TECPR2: variants seen among roughly 807,000 people sequenced by gnomAD.
TECPR2 encodes tectonin beta-propeller repeat containing 2, also known as tectonin beta-propeller repeat-containing protein 2.
Under a neutral mutation model 138.1 loss-of-function variants are expected in TECPR2, and 65 were observed. The observed-to-expected ratio is 0.47, with a 90% CI of 0.39 to 0.58. The LOEUF is 0.58. Ranked by LOEUF, TECPR2 falls within the 20% of genes least tolerant of loss-of-function variation. TECPR2 has a pLI of 0.00. For missense variants in TECPR2, 1,553 were observed against 1,824.5 expected (o/e 0.85, Z 2.71); for synonymous variants, 746 against 749.8 (o/e 0.99, Z 0.08).
chr14:102,450,222 C>T (rs142444660), intron 14 of TECPR2, among the ~76,000 whole-genome samples: 3 of 152,270 alleles, frequency 2.0e-5, no homozygotes, highest in Admixed American at 2.0e-4. Flanking sequence ...GGAAGGTGAT[C>T]GCCACTGTTG....
intron 15 of TECPR2, 131 bp downstream of exon 15, chr14:102,450,780 G>A (rs886657007): frequency 1.2e-5 from 10 of 850,664 alleles, no homozygotes; most frequent in Middle Eastern, 6.9e-4. Context: ...GAGGGTGTCA[G>A]AGGCCAGTAG....
intron 17 of TECPR2, among the ~76,000 whole-genome samples, chr14:102,495,861 G>T (rs1891266108): frequency 6.6e-6 from 1 of 152,248 alleles, no homozygotes; most frequent in Non-Finnish European, 1.5e-5. Flanking sequence ...GGCGGGTGAG[G>T]ATGCGGGCAG....
At chr14:102,485,116 G>A (rs1239264281) in intron 17 of TECPR2, among the ~76,000 whole-genome samples, 1 of 152,214 alleles carries the variant, frequency 6.6e-6, no homozygotes, top group African/African-American at 2.4e-5. Context: ...TGAGCACCAT[G>A]GTGCAGCTCA....
rs200489903 is a variant in TECPR2, at chr14:102,497,152, G to A, written c.3931+32G>A. On this transcript the variant is annotated intron_variant, in intron 18 of 19. Coordinates refer to ENST00000359520, the MANE Select transcript of TECPR2 (RefSeq NM_014844.5). ...GCCTGCAGACAGGGCCTGTGGTGCC[G>A]GCCAGCCGGGGCTACCATCACTGGG... is the stretch of plus-strand genomic sequence containing the variant. 6,615 of 1,596,804 alleles carry A rather than the reference G, an allele frequency of 4.1e-3. 36 individuals are homozygous for A. Among genetic ancestry groups the A allele is most frequent in the Non-Finnish European group, 4.2e-3 (4,952 of 1,175,448 alleles).
chr14:102,414,482 G>A (rs1888968593), intron 4 of TECPR2, among the ~76,000 whole-genome samples, 154 bp from the exon 5 acceptor site: 1 of 152,252 alleles, frequency 6.6e-6, no homozygotes, highest in African/African-American at 2.4e-5. Context: ...GCTATGGTGG[G>A]TTGAGAGTGA....
chr14:102,485,502 T>C (rs1221123111), intron 17 of TECPR2, among the ~76,000 whole-genome samples: 2 of 152,204 alleles, frequency 1.3e-5, no homozygotes, highest in Non-Finnish European at 2.9e-5. Context: ...ACTCTAAGTC[T>C]TTTCTCTCAT....
intron 1 of TECPR2, among the ~76,000 whole-genome samples, chr14:102,363,495 C>T (rs1017504674): frequency 1.3e-5 from 2 of 152,048 alleles, no homozygotes; most frequent in Non-Finnish European, 2.9e-5. Flanking sequence ...CGTGTTCTGT[C>T]CCCCACTCGC....
At chr14:102,458,528 G>GT (rs1890328802) in intron 16 of TECPR2, among the ~76,000 whole-genome samples, 1 of 152,124 alleles carries the variant, frequency 6.6e-6, no homozygotes, top group Non-Finnish European at 1.5e-5. Flanking sequence ...GGCCTCGTGC[G>GT]TTGGGGACTC....
intron 11 of TECPR2, 69 bp downstream of exon 11, chr14:102,440,678 T>C (rs1171844363): frequency 1.3e-6 from 2 of 1,538,340 alleles, no homozygotes; most frequent in Non-Finnish European, 1.8e-6. Flanking sequence ...CCTGCTTTGC[T>C]AGTAACATGC....
intron 1 of TECPR2, among the ~76,000 whole-genome samples, chr14:102,370,181 C>T (rs1887464484): frequency 6.6e-6 from 1 of 151,902 alleles, no homozygotes; most frequent in Admixed American, 6.6e-5. Flanking sequence ...AAGCGATTCT[C>T]CTGCCTCAGC....
At chr14:102,408,062 G>T (rs559917237) in intron 3 of TECPR2, among the ~76,000 whole-genome samples, 2 of 151,904 alleles carry the variant, frequency 1.3e-5, no homozygotes, top group Non-Finnish European at 2.9e-5. Context: ...CCAGCTACTC[G>T]GGAGGCTGAG....
intron 10 of TECPR2, among the ~76,000 whole-genome samples, chr14:102,440,226 C>T (rs926160239): frequency 2.0e-5 from 3 of 152,236 alleles, no homozygotes; most frequent in Non-Finnish European, 2.9e-5. Flanking sequence ...AGCTTGGAGA[C>T]GGGCGGTGAC....
chr14:102,497,419 C>T, intron 18 of TECPR2, 151 bp from the exon 19 acceptor site: 1 of 1,179,654 alleles, frequency 8.5e-7, no homozygotes, highest in Non-Finnish European at 1.1e-6. Context: ...CGTCCTTTCC[C>T]TCGGCTCCTG....
At chr14:102,405,124 A>G (rs1005466425) in intron 2 of TECPR2, among the ~76,000 whole-genome samples, 2 of 151,962 alleles carry the variant, frequency 1.3e-5, no homozygotes, top group Non-Finnish European at 2.9e-5. Context: ...CGGGGCCAAC[A>G]TGGGGAAACT....
At chr14:102,485,267 C>G (rs1402754154) in intron 17 of TECPR2, among the ~76,000 whole-genome samples, 2 of 152,214 alleles carry the variant, frequency 1.3e-5, no homozygotes, top group Non-Finnish European at 2.9e-5. Flanking sequence ...GTCAGCACAA[C>G]TATGCTGCCT....
intron 4 of TECPR2, among the ~76,000 whole-genome samples, 180 bp downstream of exon 4, chr14:102,408,799 T>C (rs1300660171): frequency 6.6e-6 from 1 of 152,240 alleles, no homozygotes; most frequent in Non-Finnish European, 1.5e-5. Context: ...CTTCTATGAC[T>C]AAGGAGTTGG....
At chr14:102,377,391 C>T (rs1887669825) in intron 2 of TECPR2, among the ~76,000 whole-genome samples, 1 of 152,186 alleles carries the variant, frequency 6.6e-6, no homozygotes, top group South Asian at 2.1e-4. Context: ...AACTCCTCGG[C>T]TCAAGCAGTC....
intron 17 of TECPR2, among the ~76,000 whole-genome samples, chr14:102,494,499 C>T (rs1891230838): frequency 6.6e-6 from 1 of 151,754 alleles, no homozygotes; most frequent in East Asian, 1.9e-4. Context: ...GCCAAGATCA[C>T]GCCACTGCAC....
At chr14:102,385,890 C>G (rs948711737) in intron 2 of TECPR2, among the ~76,000 whole-genome samples, 339 of 150,816 alleles carry the variant, frequency 2.2e-3, no homozygotes, top group African/African-American at 7.2e-3. Flanking sequence ...GAGCCGAGAT[C>G]GAGCCACTGC....
Sources: allele counts gnomAD v4.1 joint callset (sites outside exome capture counted in the v4.1 genomes callset), GRCh38; gene constraint gnomAD v4.1.1; transcripts MANE v1.5; gene names NCBI Gene and HGNC (gene_info 2026-07-23, HGNC 2026-07-21).